Variants in HIPK2 observed in about 807,000 individuals in gnomAD.
The protein encoded by HIPK2 is homeodomain-interacting protein kinase 2.
Under a neutral mutation model 113.7 loss-of-function variants are expected in HIPK2, and 27 were observed. The ratio of observed to expected loss-of-function variants is 0.24; its 90% CI spans 0.17 to 0.33. The LOEUF is 0.33. HIPK2 is among the 10% of genes least tolerant of loss of function. The pLI is 1.00. For missense variants in HIPK2, 1,257 were observed against 1,588.0 expected (o/e 0.79, Z 3.54); for synonymous variants, 631 against 642.2 (o/e 0.98, Z 0.26).
Position 139,631,771 on chromosome 7 carries a change from G to A in HIPK2, c.1104-46C>T. 2 of 1,582,228 alleles carry A rather than the reference G, an allele frequency of 1.3e-6. No homozygotes were observed. Among genetic ancestry groups the A allele is most frequent in the Non-Finnish European group, 1.7e-6 (2 of 1,163,818 alleles). ...AAACCATTAGCAAGTTGGAAATGCA[G>A]GAAGCTGTTTCTATATGAATACTAT... On this transcript the variant is annotated intron_variant, in intron 2 of 14. Coordinates refer to ENST00000406875, the MANE Select transcript of HIPK2 (RefSeq NM_022740.5). This position sits in a 1 kb window ranked among gnomAD's most constrained non-coding sequence, Gnocchi z 4.9.
At chr7:139,655,665 C>T (rs1801641571) in intron 2 of HIPK2, among the ~76,000 whole-genome samples, 1 of 152,194 alleles carries the variant, frequency 6.6e-6, no homozygotes, top group African/African-American at 2.4e-5. Context: ...GAGGGGTCTA[C>T]ACACCCCTCT....
intron 2 of HIPK2, among the ~76,000 whole-genome samples, chr7:139,653,809 T>G (rs1143128): frequency 6.6e-6 from 1 of 151,878 alleles, no homozygotes; most frequent in Admixed American, 6.6e-5. Context: ...CTCGGCTCAC[T>G]GCAACCTCCA....
intron 1 of HIPK2, among the ~76,000 whole-genome samples, chr7:139,740,005 A>G (rs1796053310): frequency 1.3e-5 from 2 of 152,156 alleles, no homozygotes; most frequent in Admixed American, 6.5e-5. Context: ...CGATGCAACC[A>G]TGTGGACACG....
intron 2 of HIPK2, among the ~76,000 whole-genome samples, chr7:139,700,726 C>T (rs1313787213): frequency 2.0e-5 from 3 of 152,330 alleles, no homozygotes. Flanking sequence ...GGCAGCACTG[C>T]GGCTCATTTT....
At chr7:139,598,100 G>T (rs910360919) in intron 11 of HIPK2, among the ~76,000 whole-genome samples, 8 of 152,126 alleles carry the variant, frequency 5.3e-5, no homozygotes, top group Admixed American at 1.3e-4. Flanking sequence ...CACATGTCAG[G>T]TGTGGAATTT....
At chr7:139,712,257 T>C (rs1035247667) in intron 2 of HIPK2, among the ~76,000 whole-genome samples, 1 of 152,262 alleles carries the variant, frequency 6.6e-6, no homozygotes, top group African/African-American at 2.4e-5. Context: ...GCCAGGCACA[T>C]GCCTGAGAGC....
intron 2 of HIPK2, among the ~76,000 whole-genome samples, chr7:139,654,470 G>A (rs1388760934): frequency 2.0e-5 from 3 of 152,080 alleles, no homozygotes; most frequent in Non-Finnish European, 2.9e-5. Context: ...TCATGATCAC[G>A]CCACTGCACT....
At chr7:139,620,700 AG>A (rs1278992141) in intron 6 of HIPK2, 137 bp from the exon 7 acceptor site, 1 of 1,167,762 alleles carries the variant, frequency 8.6e-7, no homozygotes, top group African/African-American at 1.5e-5. Flanking sequence ...ACTAAACTTT[AG>A]GTCTAAGTTT....
intron 13 of HIPK2, among the ~76,000 whole-genome samples, chr7:139,575,823 CT>C (rs896572892): frequency 7.9e-5 from 12 of 152,162 alleles, no homozygotes; most frequent in African/African-American, 2.9e-4. Flanking sequence ...GAGAGATTGG[CT>C]TTTTTGATGA....
At chr7:139,672,459 T>A (rs1371056168) in intron 2 of HIPK2, among the ~76,000 whole-genome samples, 1 of 152,088 alleles carries the variant, frequency 6.6e-6, no homozygotes, top group Non-Finnish European at 1.5e-5. Context: ...TCAAAAAAAA[T>A]AATTACAAGT....
At chr7:139,775,488 T>G (rs80327572) in intron 1 of HIPK2, among the ~76,000 whole-genome samples, 3,650 of 151,568 alleles carry the variant, frequency 0.024, 130 homozygotes, top group African/African-American at 0.083. Flanking sequence ...ATTAGAAAAA[T>G]AATTATAAAG....
chr7:139,689,981 C>T (rs902315870), intron 2 of HIPK2, among the ~76,000 whole-genome samples: 32 of 141,226 alleles, frequency 2.3e-4, no homozygotes, highest in Non-Finnish European at 3.8e-4. Context: ...CGCAGGGTGC[C>T]GGGCACCTCG....
rs142535409 is a variant in HIPK2 at position 139,720,564 on chromosome 7, T to G, written c.20-3549A>C. ...AAGTCAACATCCCCCTTATTCTAAG[T>G]CAACATCCCCCTTATTCTAGAACAA... On this transcript the variant is annotated intron_variant, in intron 1 of 14. Transcript: ENST00000406875. 2.0e-5 allele frequency among the ~76,000 whole-genome samples: 3 copies of G among 152,354 alleles called. No homozygotes were observed. In the East Asian group the frequency reaches 5.8e-4, roughly 29 times the overall value.
At chr7:139,668,420 G>A (rs979050023) in intron 2 of HIPK2, among the ~76,000 whole-genome samples, 3 of 151,940 alleles carry the variant, frequency 2.0e-5, no homozygotes, top group African/African-American at 7.3e-5. Context: ...AAATTAGCTG[G>A]GCATGGTGGT....
intron 2 of HIPK2, among the ~76,000 whole-genome samples, chr7:139,661,759 G>C (rs372961967): frequency 6.6e-6 from 1 of 152,102 alleles, no homozygotes; most frequent in Non-Finnish European, 1.5e-5. Flanking sequence ...AATTTGTGTT[G>C]AGCCACATTC....
rs757347332 is a variant in HIPK2, at chr7:139,596,875, G to C, written c.2559C>G (p.Thr853=). Residue 853 remains threonine (T), a synonymous_variant, in exon 12 of 15, where the codon ACC becomes ACG. Coordinates refer to ENST00000406875, the MANE Select transcript of HIPK2 (RefSeq NM_022740.5). ...CGTCGCCCCACCCACAGGTGACCGA[G>C]GTGCTGCAGGCCGGGCTACTGTGCA... ...AMVHSSPACS[T]SVTCGWGDVA... The C allele has an allele frequency of 1.9e-6, 3 of 1,613,970 alleles. No homozygotes were observed. Among genetic ancestry groups the C allele is most frequent in the South Asian group, 2.2e-5 (2 of 91,086 alleles).
rs35255718 is a variant in HIPK2 at position 139,575,174 on chromosome 7, C to T, written c.3080G>A (p.Arg1027Gln). The change falls in exon 14 of 15, where the codon CGG becomes CAG. Residue 1027 changes from arginine (R) to glutamine (Q), a missense_variant. Physicochemically the swap from Arg to Gln is conservative, Grantham distance 43 (BLOSUM62 1). Coordinates refer to ENST00000406875, the MANE Select transcript of HIPK2 (RefSeq NM_022740.5). The stretch of plus-strand genomic sequence containing the variant: ...CTGCTGCTGGAAGTGGGGGCCCGGC[C>T]GCTGCTGCCGGTAGGTGATGGCTCC... ...SSGAITYRQQ[R>Q]PGPHFQQQQP... The T allele has an allele frequency of 3.7e-5, 59 of 1,592,752 alleles. No individual in the cohort carries two copies. The highest frequency in any genetic ancestry group is 5.4e-5 in the African/African-American group (4 of 74,630).
At position 139,631,526 on chromosome 7, in the gene HIPK2, T is replaced by C. The variant is rs565482129; in HGVS notation, c.1227+76A>G. On this transcript the variant is annotated intron_variant, in intron 3 of 14. Transcript: ENST00000406875. This position sits in a 1 kb window ranked among gnomAD's most constrained non-coding sequence, Gnocchi z 4.9. ...ACAGTCCCGCCCATTTGTCATGTAATCAATGAAATGCTAATCCAGGCTATT... is the reference window on the plus strand; with the variant it reads ...ACAGTCCCGCCCATTTGTCATGTAACCAATGAAATGCTAATCCAGGCTATT... 57 of 1,572,746 alleles carry C rather than the reference T, an allele frequency of 3.6e-5. No homozygotes were observed. Among genetic ancestry groups the C allele is most frequent in the Non-Finnish European group, 4.3e-5 (50 of 1,157,966 alleles).
intron 4 of HIPK2, among the ~76,000 whole-genome samples, chr7:139,629,615 T>C (rs1800544133): frequency 6.6e-6 from 1 of 152,236 alleles, no homozygotes. Context: ...AGTTTGTGGC[T>C]GGGCTGCCCC....
Sources: allele counts gnomAD v4.1 joint callset (sites outside exome capture counted in the v4.1 genomes callset), GRCh38; gene constraint gnomAD v4.1.1; non-coding constraint Gnocchi (gnomAD v3.1); transcripts MANE v1.5; gene names NCBI Gene and HGNC (gene_info 2026-07-23, HGNC 2026-07-21).